The following PCDH11X variants were observed in gnomAD, a reference collection of about 807,000 sequenced individuals.
The protein encoded by PCDH11X is protocadherin 11 X-linked.
In PCDH11X, 18 loss-of-function variants were observed where a neutral mutation model predicts 53.3. The ratio of observed to expected loss-of-function variants is 0.34; its 90% CI spans 0.23 to 0.50. The LOEUF (loss-of-function observed/expected upper bound fraction) is 0.50. Among genes scored for constraint, PCDH11X ranks in the 20% least tolerant of loss-of-function variants. PCDH11X has a pLI of 0.98. For missense variants in PCDH11X, 570 were observed against 1,032.4 expected, an observed-to-expected ratio of 0.55 and a Z score of 6.14; for synonymous variants, 279 against 393.3, an observed-to-expected ratio of 0.71 and a Z score of 3.44.
chrX:92,575,118 A>G (rs1193561140), intron 10 of PCDH11X, among the ~76,000 whole-genome samples: 1 of 110,983 alleles, frequency 9.0e-6, no homozygotes, highest in Non-Finnish European at 1.9e-5. Context: ...ATTTGAAATC[A>G]ATCATACTAT....
chrX:92,232,690 C>T (rs1409655679), intron 7 of PCDH11X, among the ~76,000 whole-genome samples: 2 of 111,794 alleles, frequency 1.8e-5, no homozygotes, highest in African/African-American at 3.2e-5. Context: ...CTAGTCCTGA[C>T]CTTCAGATAT....
intron 6 of PCDH11X, among the ~76,000 whole-genome samples, chrX:92,198,460 G>A (rs756954889): frequency 9.6e-6 from 1 of 103,691 alleles, no homozygotes; most frequent in African/African-American, 3.5e-5. Context: ...AAACCAGTCT[G>A]GGTTTACCTC....
At chrX:92,511,485 A>G (rs906856730) in intron 10 of PCDH11X, among the ~76,000 whole-genome samples, 3 of 112,173 alleles carry the variant, frequency 2.7e-5, no homozygotes, top group Non-Finnish European at 5.6e-5. Context: ...CTGTGAAACT[A>G]TATAATGCAA....
intron 10 of PCDH11X, among the ~76,000 whole-genome samples, chrX:92,498,906 TA>T (rs1189231820): frequency 7.4e-5 from 4 of 54,274 alleles, no homozygotes; most frequent in Non-Finnish European, 1.7e-4. Flanking sequence ...AACAGTATAT[TA>T]TAATATTATA....
intron 6 of PCDH11X, among the ~76,000 whole-genome samples, chrX:92,014,595 T>C (rs1193488833): frequency 9.0e-6 from 1 of 110,618 alleles, no homozygotes; most frequent in East Asian, 2.8e-4. Flanking sequence ...CGTATGTTTA[T>C]TGCGGCACTA....
At chrX:92,291,732 A>G (rs2068496936) in intron 8 of PCDH11X, among the ~76,000 whole-genome samples, 1 of 108,702 alleles carries the variant, frequency 9.2e-6, no homozygotes, top group Admixed American at 1.0e-4. Flanking sequence ...GAGTGTTTAT[A>G]TACTTGAATG....
chrX:92,360,352 G>A (rs755489813), intron 8 of PCDH11X, among the ~76,000 whole-genome samples: 8 of 110,916 alleles, frequency 7.2e-5, no homozygotes, highest in South Asian at 3.7e-4. Context: ...AGCATCATTC[G>A]CATTTCTACA....
chrX:91,936,514 T>C (rs2524672), intron 6 of PCDH11X, among the ~76,000 whole-genome samples: 2 of 108,220 alleles, frequency 1.8e-5, no homozygotes, highest in African/African-American at 6.6e-5. Context: ...CTGAAACATA[T>C]AGTTAGCTCT....
intron 9 of PCDH11X, among the ~76,000 whole-genome samples, chrX:92,467,806 G>C (rs912355560): frequency 4.5e-5 from 5 of 111,426 alleles, no homozygotes; most frequent in African/African-American, 1.6e-4. Context: ...TCTCATGCTA[G>C]TGCCTGCTGA....
At chrX:92,242,098 A>G (rs763301556) in intron 7 of PCDH11X, among the ~76,000 whole-genome samples, 20 of 98,573 alleles carry the variant, frequency 2.0e-4, no homozygotes, top group Non-Finnish European at 2.2e-4. Flanking sequence ...CCTCCATCTC[A>G]AAAAAAAAAA....
chrX:91,849,366 G>A, intron 5 of PCDH11X, among the ~76,000 whole-genome samples: 1 of 110,156 alleles, frequency 9.1e-6, no homozygotes, highest in South Asian at 3.9e-4. Flanking sequence ...TTATTGTACA[G>A]ATTAATTCAT....
intron 8 of PCDH11X, among the ~76,000 whole-genome samples, chrX:92,375,701 T>G (rs773604204): frequency 7.3e-5 from 8 of 109,680 alleles, no homozygotes; most frequent in African/African-American, 2.7e-4. Context: ...CTCGGCTCAC[T>G]GCAATCTCCG....
At chrX:92,082,152 T>C (rs144047412) in intron 6 of PCDH11X, among the ~76,000 whole-genome samples, 3,228 of 110,794 alleles carry the variant, frequency 0.029, 86 homozygotes, top group African/African-American at 0.08. Context: ...CTAACTCTTA[T>C]GCACTTAAGG....
intron 9 of PCDH11X, among the ~76,000 whole-genome samples, chrX:92,395,392 A>G (rs985742087): frequency 1.8e-5 from 2 of 111,138 alleles, no homozygotes; most frequent in African/African-American, 3.3e-5. Flanking sequence ...TATTCATGAA[A>G]CCTTTTCAGC....
intron 10 of PCDH11X, among the ~76,000 whole-genome samples, chrX:92,616,915 T>A (rs1003960861): frequency 1.8e-5 from 2 of 111,662 alleles, no homozygotes; most frequent in African/African-American, 6.5e-5. Context: ...ATTTTTTTCA[T>A]CTTTTTTTTT....
Position 92,355,343 on chromosome X carries a change from G to C in PCDH11X, c.3145-32392G>C, listed in dbSNP as rs1292474440. Among the ~76,000 whole-genome samples the C allele has an allele frequency of 9.3e-5, 5 of 54,019 alleles. 2 individuals are homozygous for C. Among genetic ancestry groups the C allele is most frequent in the African/African-American group, 4.5e-4 (5 of 11,070 alleles). The allele number at this position is 54,019 out of a possible 115,157, so 46.9% of individuals were successfully genotyped here. On this transcript the variant is annotated intron_variant, in intron 8 of 10. Transcript: ENST00000682573. ...TGAGGCAGGAGAATGGCGTGAACCC[G>C]GGAGGCAGAGCTTGCAGTGAGCCGA...
At chrX:92,537,865 A>T (rs952861916) in intron 10 of PCDH11X, among the ~76,000 whole-genome samples, 9 of 110,058 alleles carry the variant, frequency 8.2e-5, no homozygotes, top group Non-Finnish European at 1.3e-4. Flanking sequence ...TAAATTTACT[A>T]AATTTGTTCA....
At chrX:92,323,796 A>T in intron 8 of PCDH11X, among the ~76,000 whole-genome samples, 1 of 110,918 alleles carries the variant, frequency 9.0e-6, no homozygotes. Flanking sequence ...GCTTTTTAAC[A>T]GTGTCGAATC....
intron 9 of PCDH11X, among the ~76,000 whole-genome samples, chrX:92,465,825 T>G (rs2073146765): frequency 9.0e-6 from 1 of 111,086 alleles, no homozygotes; most frequent in African/African-American, 3.3e-5. Context: ...GTTTTCTTAA[T>G]TTTGTGGTAA....
Sources: allele counts gnomAD v4.1 joint callset (sites outside exome capture counted in the v4.1 genomes callset), GRCh38; gene constraint gnomAD v4.1.1; transcripts MANE v1.5; gene names NCBI Gene and HGNC (gene_info 2026-07-23, HGNC 2026-07-21).